The following RPL3 variants were observed in gnomAD, a reference collection of about 807,000 sequenced individuals.
RPL3 encodes ribosomal protein L3.
A neutral mutation model predicts 46.0 loss-of-function variants in RPL3; 3 were observed. That is an observed-to-expected ratio of 0.07 (90% confidence interval 0.03 to 0.17). The LOEUF (loss-of-function observed/expected upper bound fraction) is 0.17. Among genes scored for constraint, RPL3 ranks in the 10% least tolerant of loss-of-function variants. The pLI is 1.00. For missense variants in RPL3, 387 were observed against 532.7 expected (o/e 0.73, Z 2.69); for synonymous variants, 224 against 190.8 (o/e 1.17, Z -1.43).
At position 39,314,154 on chromosome 22, in the gene RPL3, T is replaced by C. The variant is rs1452343384; in HGVS notation, c.904A>G (p.Asn302Asp). 1.2e-6 allele frequency: 2 copies of C among 1,613,372 alleles called. No individual in the cohort carries two copies. The highest frequency in any genetic ancestry group is 1.7e-6 in the Non-Finnish European group (2 of 1,180,026). Residue 302 changes from asparagine to aspartate, a missense_variant, in exon 7 of 10, where the codon AAT becomes GAT. By Grantham distance (23) the Asn-to-Asp change is conservative. Coordinates refer to ENST00000216146, the MANE Select transcript of RPL3 (RefSeq NM_000967.4). Reference sequence around the variant, plus strand: ...GATAGGTCATAGTCAGTGGAGGCATTGTTCTTGATCAGCTTGCCGTCCTTG... The same window carrying C: ...GATAGGTCATAGTCAGTGGAGGCATCGTTCTTGATCAGCTTGCCGTCCTTG... ...LIKDGKLIKN[N>D]ASTDYDLSDK...
chr22:39,315,278 C>T (rs200807068), intron 5 of RPL3, 91 bp downstream of exon 5: 1,204 of 1,527,246 alleles, frequency 7.9e-4, no homozygotes, highest in Non-Finnish European at 1.0e-3. Context: ...CTGTACCCAG[C>T]GCTCACTCTG....
At chr22:39,316,375 G>T (rs888098837) in intron 4 of RPL3, among the ~76,000 whole-genome samples, 1 of 152,158 alleles carries the variant, frequency 6.6e-6, no homozygotes, top group African/African-American at 2.4e-5. Context: ...CTCAGCACTT[G>T]AGATCAGCCA....
rs753698781 is a variant in RPL3 at position 39,315,496 on chromosome 22, T to C, written c.561A>G (p.Gly187=). 2 of 1,614,098 alleles carry C rather than the reference T, an allele frequency of 1.2e-6. No individual in the cohort carries two copies. Among genetic ancestry groups the C allele is most frequent in the East Asian group, 4.5e-5 (2 of 44,892 alleles). ...KAHLMEIQVN[G]GTVAEKLDWA... ...AGTCCAGCTTCTCGGCCACAGTGCCTCCGTTCACCTGGATCTCCATCAGGT... is the reference window on the plus strand; with the variant it reads ...AGTCCAGCTTCTCGGCCACAGTGCCCCCGTTCACCTGGATCTCCATCAGGT... Residue 187 remains glycine, a synonymous_variant, in exon 5 of 10, where the codon GGA becomes GGG. Transcript: ENST00000216146.
intron 4 of RPL3, among the ~76,000 whole-genome samples, chr22:39,316,089 A>G (rs909810186): frequency 1.3e-5 from 2 of 152,106 alleles, no homozygotes; most frequent in African/African-American, 4.8e-5. Context: ...AAAATACAAA[A>G]TTAGTAGGGC....
Position 39,318,429 on chromosome 22 carries a change from A to G in RPL3, c.167T>C (p.Ile56Thr). The change falls in exon 2 of 10, where the codon ATC becomes ACC. Residue 56 changes from isoleucine (I) to threonine (T), a missense_variant. Transcript: ENST00000216146. ...TCCCGGCCTGTCGACTTCCCGCACG[A>G]TGTGAGTCATGCCAGCCTTGTATCC... is the stretch of plus-strand genomic sequence containing the variant. ...FLGYKAGMTH[I>T]VREVDRPGSK... The G allele has an allele frequency of 6.2e-7, 1 of 1,613,750 alleles. No homozygotes were observed. Among genetic ancestry groups the G allele is most frequent in the Non-Finnish European group, 8.5e-7 (1 of 1,179,928 alleles).
chr22:39,313,611 T>C (rs372266669), intron 8 of RPL3, 23 bp downstream of exon 8: 93 of 1,608,096 alleles, frequency 5.8e-5, no homozygotes, highest in Non-Finnish European at 5.8e-5. Context: ...AGCCCCCCCA[T>C]GACAAGTCAG....
chr22:39,318,966 G>A (rs532740633), intron 1 of RPL3: 42 of 533,668 alleles, frequency 7.9e-5, no homozygotes, highest in African/African-American at 6.9e-4. Flanking sequence ...CTGGGTAGCA[G>A]CTAGCAATGT....
At chr22:39,317,946 G>A (rs754956652) in intron 2 of RPL3, 23 of 390,890 alleles carry the variant, frequency 5.9e-5, no homozygotes, top group Non-Finnish European at 9.4e-5. Context: ...TGAGCTCAGA[G>A]ATTAGTCAGT....
At chr22:39,314,325 G>T in intron 6 of RPL3, 117 bp from the exon 7 acceptor site, 2 of 889,420 alleles carry the variant, frequency 2.2e-6, no homozygotes, top group Non-Finnish European at 3.6e-6. Flanking sequence ...CCCAGTCACA[G>T]CGTATCCCAA....
intron 1 of RPL3, chr22:39,319,332 T>A: frequency 1.7e-6 from 1 of 597,326 alleles, no homozygotes; most frequent in Non-Finnish European, 3.0e-6. Context: ...GACTCATGGC[T>A]TTAAAAACGC....
rs773204963 is a variant in RPL3 at position 39,318,528 on chromosome 22, C to G, written c.68G>C (p.Ser23Thr). Residue 23 changes from serine to threonine, a missense_variant, in exon 2 of 10, where the codon AGC becomes ACC. Physicochemically the swap from Ser to Thr is moderately conservative, Grantham distance 58. Transcript: ENST00000216146. ...SLGFLPRKRS[S>T]RHRGKVKSFP... ...GCTCTTCACCTTCCCACGATGCCTG[C>G]TGCTGCGCTTCCGAGGCAGGAAGCC... 89 of 1,613,690 alleles carry G rather than the reference C, an allele frequency of 5.5e-5. No individual in the cohort carries two copies. The highest frequency in any genetic ancestry group is 7.3e-5 in the Non-Finnish European group (86 of 1,179,828).
chr22:39,316,427 C>G (rs1194718384), intron 4 of RPL3, among the ~76,000 whole-genome samples: 1 of 152,156 alleles, frequency 6.6e-6, no homozygotes, highest in African/African-American at 2.4e-5. Context: ...CCACTCTAAC[C>G]AAGTCAATAA....
intron 6 of RPL3, chr22:39,314,429 A>AC (rs1241728798): frequency 1.6e-6 from 1 of 623,666 alleles, no homozygotes; most frequent in Non-Finnish European, 2.8e-6. Context: ...CAGGCCTGTC[A>AC]CCCCCCTGGT....
Position 39,317,172 on chromosome 22 carries a change from A to AG in RPL3, c.365+288dup, listed in dbSNP as rs1922755969. 5 of 571,686 alleles carry AG rather than the reference A, an allele frequency of 8.7e-6. No individual in the cohort carries two copies. The South Asian group carries it at 1.1e-4, about 12-fold the overall frequency. The allele number at this position is 571,686 out of a possible 1,614,324, so 35.4% of individuals were successfully genotyped here. On this transcript the variant is annotated intron_variant, in intron 3 of 9. Coordinates refer to ENST00000216146, the MANE Select transcript of RPL3 (RefSeq NM_000967.4). Reference sequence around the variant, plus strand: ...GGCCAGAGGCCCTTGCCACCCCTATAGGGGTTTAATTATTCTGCTACCTCT... The same window carrying AG: ...GGCCAGAGGCCCTTGCCACCCCTATAGGGGGTTTAATTATTCTGCTACCTCT...
chr22:39,316,943 C>A (rs898588219), intron 3 of RPL3, 102 bp from the exon 4 acceptor site: 2 of 1,577,214 alleles, frequency 1.3e-6, no homozygotes, highest in Non-Finnish European at 1.7e-6. Context: ...GGGGATGGAG[C>A]TCATTGCCGG....
chr22:39,315,539 A>G lies in RPL3; in HGVS notation c.518T>C (p.Leu173Pro), dbSNP rs1285392059. ...IAHTQMRLLP[L>P]RQKKAHLMEI... ...CATCAGGTGGGCCTTCTTCTGGCGC[A>G]GAGGAAGCAGGCGCATCTAGGAGAA... is the stretch of plus-strand genomic sequence containing the variant. Residue 173 changes from leucine to proline, a missense_variant, in exon 5 of 10, where the codon CTG (leucine) becomes CCG (proline). Coordinates refer to ENST00000216146, the MANE Select transcript of RPL3 (RefSeq NM_000967.4). 6 of 1,614,040 alleles carry G rather than the reference A, an allele frequency of 3.7e-6. No individual in the cohort carries two copies. The East Asian group carries it at 1.3e-4, about 36-fold the overall frequency.
At chr22:39,319,265 G>C in intron 1 of RPL3, 2 of 511,216 alleles carry the variant, frequency 3.9e-6, no homozygotes, top group Non-Finnish European at 3.6e-6. Flanking sequence ...CAGACAAGCA[G>C]GTTATGGGCC....
intron 1 of RPL3, chr22:39,319,187 C>T (rs1285238300): frequency 7.3e-6 from 4 of 546,492 alleles, no homozygotes; most frequent in Non-Finnish European, 1.5e-5. Flanking sequence ...ACAACACTCC[C>T]CTCCCCCAAG....
chr22:39,319,013 T>C lies in RPL3; in HGVS notation c.4-421A>G, dbSNP rs754554393. 20 of 538,384 alleles carry C rather than the reference T, an allele frequency of 3.7e-5. No homozygotes were observed. The Middle Eastern group carries it at 1.9e-3, about 51-fold the overall frequency. The allele number at this position is 538,384 out of a possible 1,614,324, so 33.4% of individuals were successfully genotyped here. ...CTGCCTCCGGTGCCCGGACACTAATTACACTGATACACACAGGCCAAAGAA... is the reference window on the plus strand; with the variant it reads ...CTGCCTCCGGTGCCCGGACACTAATCACACTGATACACACAGGCCAAAGAA... On this transcript the variant is annotated intron_variant, in intron 1 of 9. Transcript: ENST00000216146.
Sources: allele counts gnomAD v4.1 joint callset (sites outside exome capture counted in the v4.1 genomes callset), GRCh38; gene constraint gnomAD v4.1.1; transcripts MANE v1.5; gene names NCBI Gene and HGNC (gene_info 2026-07-23, HGNC 2026-07-21).